Variants in SLC25A21 observed in about 807,000 individuals in gnomAD.
SLC25A21 encodes mitochondrial 2-oxodicarboxylate carrier.
In SLC25A21, 47 loss-of-function variants were observed where a neutral mutation model predicts 43.8. The observed-to-expected ratio is 1.07, with a 90% CI of 0.85 to 1.37. The LOEUF (loss-of-function observed/expected upper bound fraction) is 1.37, where lower values mean the gene tolerates loss of function less well. Ranked by LOEUF, SLC25A21 falls within the 40% of genes most tolerant of loss-of-function variation. The pLI is 0.00. For missense variants in SLC25A21, 352 were observed against 350.2 expected (o/e 1.00, Z -0.04); for synonymous variants, 131 against 121.3 (o/e 1.08, Z -0.52).
intron 1 of SLC25A21, among the ~76,000 whole-genome samples, chr14:36,993,962 C>A (rs1474499494): frequency 2.0e-5 from 3 of 152,066 alleles, no homozygotes; most frequent in Admixed American, 6.6e-5. Flanking sequence ...AGAGTTTTTG[C>A]ATTGTGTTGG....
rs927543578 is a variant in SLC25A21 at position 36,997,834 on chromosome 14, C to A, written c.71-122830G>T. On this transcript the variant is annotated intron_variant, in intron 1 of 9. Transcript: ENST00000331299. ...GACTCTGTCTCAAAAAAAAAAAAAA[C>A]AACTCTATTATTTAAACTTTCAGAG... 7.2e-3 allele frequency among the ~76,000 whole-genome samples: 1,031 copies of A among 142,394 alleles called. 17 individuals are homozygous for A. The highest frequency in any genetic ancestry group is 0.023 in the African/African-American group (904 of 38,916). The allele number at this position is 142,394 out of a possible 152,430, so 93.4% of individuals were successfully genotyped here.
chr14:36,725,754 A>G lies in SLC25A21; in HGVS notation c.331-77T>C. ...GGTTAAACATCCTATTCATTACACT[A>G]TGCAGCTGAACGTTATAAAGAGAAT... On this transcript the variant is annotated intron_variant, in intron 5 of 9. Transcript: ENST00000331299. 6 of 849,334 alleles carry G rather than the reference A, an allele frequency of 7.1e-6. No homozygotes were observed. The South Asian group carries it at 1.5e-4, about 21-fold the overall frequency. 52.6% of individuals were successfully genotyped at this position (849,334 alleles called of 1,614,324 possible).
chr14:36,717,971 A>C (rs578188452), intron 6 of SLC25A21, among the ~76,000 whole-genome samples: 126 of 152,276 alleles, frequency 8.3e-4, no homozygotes, highest in South Asian at 1.7e-3. Flanking sequence ...GCAAAAATCA[A>C]CTAATTTTTC....
At chr14:36,886,882 A>C (rs1890930797) in intron 1 of SLC25A21, among the ~76,000 whole-genome samples, 1 of 152,160 alleles carries the variant, frequency 6.6e-6, no homozygotes, top group Non-Finnish European at 1.5e-5. Flanking sequence ...CAAGCTCCAC[A>C]TACACTTGGG....
intron 1 of SLC25A21, among the ~76,000 whole-genome samples, chr14:36,905,052 T>A (rs969843876): frequency 3.9e-5 from 6 of 152,272 alleles, no homozygotes; most frequent in Middle Eastern, 3.4e-3. Flanking sequence ...CCAAAATTAT[T>A]GGTTCTAAGG....
chr14:36,724,855 T>A (rs1424743372), intron 6 of SLC25A21, among the ~76,000 whole-genome samples: 3 of 152,122 alleles, frequency 2.0e-5, no homozygotes, highest in African/African-American at 7.2e-5. Flanking sequence ...TTTAAAAAAA[T>A]GACTCAGTTT....
intron 3 of SLC25A21, among the ~76,000 whole-genome samples, chr14:36,742,282 T>A (rs1594543154): frequency 1.3e-5 from 2 of 152,312 alleles, no homozygotes; most frequent in East Asian, 3.9e-4. Flanking sequence ...CCAAGTTTTT[T>A]ACCCACATGC....
chr14:36,940,511 T>A (rs1892530013), intron 1 of SLC25A21, among the ~76,000 whole-genome samples: 1 of 152,102 alleles, frequency 6.6e-6, no homozygotes, highest in South Asian at 2.1e-4. Flanking sequence ...AAAAAAGTGA[T>A]GTGTTGCCAG....
At position 36,708,765 on chromosome 14, in the gene SLC25A21, T is replaced by G. The variant is rs201965187; in HGVS notation, c.603+2553A>C. 0.02 allele frequency among the ~76,000 whole-genome samples: 2,040 copies of G among 100,168 alleles called. 129 individuals carry two copies. The East Asian group carries it at 0.31, about 15-fold the overall frequency. The allele number at this position is 100,168 out of a possible 152,430, so 65.7% of individuals were successfully genotyped here. A position where few individuals can be genotyped will look rare whatever the true frequency, so the allele number is the denominator to read the frequency against. On this transcript the variant is annotated intron_variant, in intron 7 of 9. Transcript: ENST00000331299. ...GTTAGTTTTTTTTTTTTTTTTTTTT[T>G]GTAGCGATGAGGTCTCACTATGTTC...
intron 3 of SLC25A21, among the ~76,000 whole-genome samples, chr14:36,741,650 T>A (rs1472046829): frequency 6.6e-6 from 1 of 152,084 alleles, no homozygotes; most frequent in Non-Finnish European, 1.5e-5. Flanking sequence ...ACAGAAATGA[T>A]CTCCAAGTTG....
chr14:36,956,189 G>C (rs1036140206), intron 1 of SLC25A21, among the ~76,000 whole-genome samples: 1 of 152,122 alleles, frequency 6.6e-6, no homozygotes, highest in African/African-American at 2.4e-5. Context: ...GCATTTATGT[G>C]TTTTCTCTCC....
In SLC25A21 at chr14:36,680,266, A is replaced by G; in HGVS notation, c.*392T>C. On this transcript the variant is annotated 3_prime_UTR_variant, in exon 10 of 10. Transcript: ENST00000331299. ...ATCCAGTCTTTGAATAATTTGATTT[A>G]TTTTCAATAGTTTAAGCATTTCTAG... is the stretch of plus-strand genomic sequence containing the variant. The G allele has an allele frequency of 1.0e-6, 1 of 960,826 alleles. No homozygotes were observed. The allele number at this position is 960,826 out of a possible 1,614,324, so 59.5% of individuals were successfully genotyped here. A position where few individuals can be genotyped will look rare whatever the true frequency, so the allele number is the denominator to read the frequency against.
intron 1 of SLC25A21, among the ~76,000 whole-genome samples, chr14:36,965,820 A>C (rs1435713559): frequency 2.0e-5 from 3 of 152,176 alleles, no homozygotes; most frequent in Non-Finnish European, 4.4e-5. Flanking sequence ...TTGTGAATAT[A>C]CTTTGGTTTG....
intron 7 of SLC25A21, among the ~76,000 whole-genome samples, chr14:36,702,475 C>CAAAAAAAAAAAAAAA (rs1213350246): frequency 3.0e-5 from 2 of 66,128 alleles, no homozygotes; most frequent in Admixed American, 2.1e-4. Flanking sequence ...CCTGTCTCCA[C>CAAAAAAAAAAAAAAA]AAAAAAAAAA....
chr14:36,809,760 G>A (rs1888168579), intron 3 of SLC25A21, among the ~76,000 whole-genome samples: 1 of 152,166 alleles, frequency 6.6e-6, no homozygotes, highest in Non-Finnish European at 1.5e-5. Context: ...CTTTAACTTA[G>A]AGGAGATAGG....
At chr14:37,062,478 ACT>A (rs1220016273) in intron 1 of SLC25A21, among the ~76,000 whole-genome samples, 3 of 152,172 alleles carry the variant, frequency 2.0e-5, no homozygotes, top group Non-Finnish European at 4.4e-5. Flanking sequence ...TAAAAAAAGA[ACT>A]CTCTATTTAA....
chr14:37,041,988 C>T (rs529569912), intron 1 of SLC25A21, among the ~76,000 whole-genome samples: 24 of 152,302 alleles, frequency 1.6e-4, no homozygotes, highest in African/African-American at 5.8e-4. Context: ...TCATTTTTCT[C>T]ACCACATCAA....
intron 3 of SLC25A21, among the ~76,000 whole-genome samples, chr14:36,772,288 C>T (rs1010417007): frequency 6.6e-6 from 1 of 152,142 alleles, no homozygotes; most frequent in African/African-American, 2.4e-5. Context: ...TTCCAAAACA[C>T]GTTTGTAAAT....
chr14:36,728,853 G>A (rs1884703142), intron 5 of SLC25A21, among the ~76,000 whole-genome samples: 2 of 152,118 alleles, frequency 1.3e-5, no homozygotes, highest in South Asian at 2.1e-4. Context: ...GCTCTCTCAG[G>A]GGCTCTTGTT....
Sources: gnomAD v4.1 joint callset for allele counts (sites outside exome capture counted in the v4.1 genomes callset) on GRCh38, gnomAD v4.1.1 for gene constraint, MANE v1.5 for transcripts, NCBI Gene and HGNC (gene_info 2026-07-23, HGNC 2026-07-21) for gene names.